The following CASP10 variants were observed in gnomAD, a reference collection of about 807,000 sequenced individuals.
CASP10 encodes caspase-10.
CASP10 carries 41 observed loss-of-function variants against 48.5 expected under a neutral mutation model. That is an observed-to-expected ratio of 0.85 (90% CI 0.66 to 1.10). The LOEUF is 1.10. Ranked by LOEUF, CASP10 falls within the 50% of genes least tolerant of loss-of-function variation. The pLI is 0.00. For missense variants in CASP10, 614 were observed against 614.5 expected, an observed-to-expected ratio of 1.00 and a Z score of 0.01; for synonymous variants, 232 against 238.4, an observed-to-expected ratio of 0.97 and a Z score of 0.25.
At chr2:201,206,821 C>T (rs1216968861) in intron 7 of CASP10, among the ~76,000 whole-genome samples, 3 of 151,916 alleles carry the variant, frequency 2.0e-5, no homozygotes, top group Admixed American at 6.6e-5. Context: ...CAGAAATGAA[C>T]CATCTGAAAA....
chr2:201,188,597 T>G (rs1944496357), intron 3 of CASP10, among the ~76,000 whole-genome samples: 1 of 152,238 alleles, frequency 6.6e-6, no homozygotes, highest in African/African-American at 2.4e-5. Context: ...GCGGTTGGCC[T>G]GTGGAGTTTC....
At chr2:201,224,564 G>T (rs1945765420), downstream of CASP10, among the ~76,000 whole-genome samples, 1 of 152,158 alleles carries the variant, frequency 6.6e-6, no homozygotes, top group African/African-American at 2.4e-5. Context: ...TTTGCCCCCA[G>T]TTCTGTCCAC....
At chr2:201,211,727 A>G (rs183070139) in intron 9 of CASP10, among the ~76,000 whole-genome samples, 6 of 152,272 alleles carry the variant, frequency 3.9e-5, no homozygotes, top group African/African-American at 1.4e-4. Context: ...TTCTTTGTTT[A>G]TATACTTAGT....
rs748398291 is a variant in CASP10 at position 201,186,088 on chromosome 2, G to A, written c.311G>A (p.Arg104Gln). Residue 104 changes from arginine to glutamine, a missense_variant, in exon 2 of 10, where the codon CGA becomes CAA. Arg to Gln is a conservative substitution (Grantham distance 43, BLOSUM62 1). Coordinates refer to ENST00000286186, the MANE Select transcript of CASP10 (RefSeq NM_032977.4). ...HLNCTKEEVE[R>Q]LLPTRQRVSL... ...AACTGTACCAAAGAGGAAGTGGAGC[G>A]ACTGCTGCCCACCCGACAAAGGGTT... 9.3e-6 allele frequency: 15 copies of A among 1,612,256 alleles called. No individual in the cohort carries two copies. The highest frequency in any genetic ancestry group is 5.5e-5 in the South Asian group (5 of 90,970).
intron 7 of CASP10, among the ~76,000 whole-genome samples, chr2:201,207,484 C>T (rs987685156): frequency 1.3e-5 from 2 of 151,860 alleles, no homozygotes; most frequent in Admixed American, 6.6e-5. Flanking sequence ...ATCGGCTGGG[C>T]GCGGTGGCTC....
intron 9 of CASP10, among the ~76,000 whole-genome samples, chr2:201,216,384 A>G (rs1328393361): frequency 6.6e-6 from 1 of 151,966 alleles, no homozygotes; most frequent in Admixed American, 6.6e-5. Context: ...AAAAGAGGCA[A>G]TTTCAGGAAG....
rs560108626 is a variant in CASP10 at position 201,187,927 on chromosome 2, T to C, written c.441+128T>C. 1.7e-4 allele frequency: 123 copies of C among 739,962 alleles called. 2 individuals are homozygous for C. The South Asian group carries it at 1.7e-3, about 10-fold the overall frequency. 45.8% of individuals were successfully genotyped at this position (739,962 alleles called of 1,614,324 possible). A position where few individuals can be genotyped will look rare whatever the true frequency, so the allele number is the denominator to read the frequency against. ...CAGTATCATACAATGGTTACGAACA[T>C]TGGCTTTGGTGCTGGATGAGCCTAG... On this transcript the variant is annotated intron_variant, in intron 3 of 9. Coordinates refer to ENST00000286186, the MANE Select transcript of CASP10 (RefSeq NM_032977.4).
At chr2:201,190,785 G>T (rs555227468) in intron 3 of CASP10, among the ~76,000 whole-genome samples, 128 of 150,954 alleles carry the variant, frequency 8.5e-4, no homozygotes, top group African/African-American at 2.9e-3. Flanking sequence ...GCTGGAAAAT[G>T]TTTTTTTTTC....
intron 3 of CASP10, among the ~76,000 whole-genome samples, chr2:201,189,441 G>A (rs1452870748): frequency 3.3e-5 from 5 of 151,620 alleles, no homozygotes; most frequent in South Asian, 4.2e-4. Context: ...TCTAATTTTT[G>A]TATTTTTAGT....
chr2:201,195,799 C>A, intron 4 of CASP10, 43 bp from the exon 5 acceptor site: 2 of 1,481,912 alleles, frequency 1.3e-6, no homozygotes, highest in Non-Finnish European at 1.9e-6. Context: ...TGCTGCTAGT[C>A]AGAAGGTGAT....
rs1212096691 is a variant in CASP10, at chr2:201,220,274, C to T, written c.*2533C>T. 3 of 455,020 alleles carry T rather than the reference C, an allele frequency of 6.6e-6. No individual in the cohort carries two copies. Among genetic ancestry groups the T allele is most frequent in the African/African-American group, 4.3e-5 (2 of 46,948 alleles). 28.2% of individuals were successfully genotyped at this position (455,020 alleles called of 1,614,324 possible). A position where few individuals can be genotyped will look rare whatever the true frequency, so the allele number is the denominator to read the frequency against. ...TCACTTCTTTTCTAACAGCGAGCAG[C>T]CAGAAAGAGAAGAGAGTAAAATACA... On this transcript the variant is annotated 3_prime_UTR_variant, in exon 10 of 10. Transcript: ENST00000286186.
chr2:201,204,546 C>T (rs1210021189), intron 6 of CASP10, among the ~76,000 whole-genome samples: 1 of 152,174 alleles, frequency 6.6e-6, no homozygotes, highest in African/African-American at 2.4e-5. Flanking sequence ...CCTCCATTCA[C>T]TGGAGGTAGG....
At chr2:201,198,796 T>C (rs1944904467) in intron 5 of CASP10, among the ~76,000 whole-genome samples, 1 of 152,114 alleles carries the variant, frequency 6.6e-6, no homozygotes, top group Admixed American at 6.5e-5. Flanking sequence ...CGCCTCAGCC[T>C]CCCAAAGTGC....
intron 4 of CASP10, among the ~76,000 whole-genome samples, chr2:201,193,649 C>T (rs767824200): frequency 6.6e-6 from 1 of 152,222 alleles, no homozygotes; most frequent in African/African-American, 2.4e-5. Context: ...TAGCAAAGTA[C>T]AGAGCAAAGC....
At chr2:201,216,629 G>T (rs994999273) in intron 9 of CASP10, among the ~76,000 whole-genome samples, 25 of 152,144 alleles carry the variant, frequency 1.6e-4, no homozygotes, top group African/African-American at 5.8e-4. Flanking sequence ...TACTAAAAAT[G>T]ATGGTCAGCA....
intron 5 of CASP10, among the ~76,000 whole-genome samples, chr2:201,197,159 T>TTTTTTTTTG (rs1944826296): frequency 6.6e-6 from 1 of 152,072 alleles, no homozygotes. Context: ...TTTTTTTTTA[T>TTTTTTTTTG]AGAGATAAGG....
chr2:201,213,575 A>T (rs1945471357), intron 9 of CASP10: 1 of 152,090 alleles, frequency 6.6e-6, no homozygotes, highest in Non-Finnish European at 1.5e-5. Flanking sequence ...GGTTGGTGAG[A>T]TTTGCTGTAA....
At chr2:201,184,829 GT>G (rs898983554) in intron 1 of CASP10, among the ~76,000 whole-genome samples, 22 of 150,038 alleles carry the variant, frequency 1.5e-4, no homozygotes, top group Non-Finnish European at 1.0e-4. Context: ...CATGTAATTT[GT>G]TTTTTTTTAG....
Position 201,185,430 on chromosome 2 carries a change from G to A in CASP10, c.-7-341G>A, listed in dbSNP as rs41351447. 0.044 allele frequency among the ~76,000 whole-genome samples: 6,692 copies of A among 152,148 alleles called. 188 individuals are homozygous for A. The highest frequency in any genetic ancestry group is 0.095 in the Middle Eastern group (28 of 294). On this transcript the variant is annotated intron_variant, in intron 1 of 9. Coordinates refer to ENST00000286186, the MANE Select transcript of CASP10 (RefSeq NM_032977.4). The stretch of plus-strand genomic sequence containing the variant: ...GCCACGTGCTGGAAATGAATGTAAG[G>A]GCTCCAATCAGGCTACCAGGCTTGA...
Sources: gnomAD v4.1 joint callset for allele counts (sites outside exome capture counted in the v4.1 genomes callset) on GRCh38, gnomAD v4.1.1 for gene constraint, MANE v1.5 for transcripts, NCBI Gene and HGNC (gene_info 2026-07-23, HGNC 2026-07-21) for gene names.